Variants in TMEM50A observed in about 807,000 individuals in gnomAD.
TMEM50A encodes cervical cancer oncogene 9.
In TMEM50A, 8 loss-of-function variants were observed where a neutral mutation model predicts 23.9. The ratio of observed to expected loss-of-function variants is 0.33; its 90% CI spans 0.20 to 0.60. The LOEUF is 0.60. TMEM50A is among the 20% of genes least tolerant of loss of function. TMEM50A has a pLI of 0.81. For synonymous variants in TMEM50A, 55 were observed against 60.4 expected (o/e 0.91, Z 0.41); for missense variants, 178 against 192.7 (o/e 0.92, Z 0.45).
chr1:25,344,171 G>A (rs1645190645), intron 3 of TMEM50A, among the ~76,000 whole-genome samples: 1 of 152,140 alleles, frequency 6.6e-6, no homozygotes, highest in African/African-American at 2.4e-5. Flanking sequence ...GGGAAGTCAA[G>A]TCGATGTTAC....
intron 2 of TMEM50A, among the ~76,000 whole-genome samples, chr1:25,341,131 G>T (rs1018417185): frequency 1.3e-5 from 2 of 152,176 alleles, no homozygotes; most frequent in Non-Finnish European, 2.9e-5. Flanking sequence ...TTACACTTCA[G>T]ATCCCTCAAG....
intron 2 of TMEM50A, among the ~76,000 whole-genome samples, chr1:25,341,822 G>A (rs1446060295): frequency 6.6e-5 from 10 of 152,126 alleles, no homozygotes; most frequent in Admixed American, 5.9e-4. Context: ...AGCCTCCGGA[G>A]TAGCCTGGAC....
In TMEM50A at chr1:25,360,762, T is replaced by G; in HGVS notation, c.*57T>G. The G allele has an allele frequency of 6.4e-7, 1 of 1,574,756 alleles. No homozygotes were observed. Among genetic ancestry groups the G allele is most frequent in the Non-Finnish European group, 8.7e-7 (1 of 1,145,512 alleles). ...TGCATGGGTTTGTTTGTTTTTTTAC[T>G]GCTCACTCCCAACCTTTTGTAATGC... On this transcript the variant is annotated 3_prime_UTR_variant, in exon 7 of 7. Transcript: ENST00000374358.
At chr1:25,340,378 CTT>C in intron 1 of TMEM50A, 94 bp from the exon 2 acceptor site, 1 of 728,346 alleles carries the variant, frequency 1.4e-6, no homozygotes, top group Non-Finnish European at 2.2e-6. Context: ...TGTAATTTCA[CTT>C]TTATCTAATT....
intron 4 of TMEM50A, 137 bp from the exon 5 acceptor site, chr1:25,352,745 C>T (rs3093618): frequency 1.1e-4 from 79 of 693,994 alleles, no homozygotes; most frequent in African/African-American, 7.3e-4. Context: ...ATGTTTAACA[C>T]ATCCTTTACT....
chr1:25,356,903 CTTCTTTTATATCA>C, intron 6 of TMEM50A, 50 bp downstream of exon 6: 1 of 1,339,526 alleles, frequency 7.5e-7, no homozygotes, highest in Non-Finnish European at 1.0e-6. Flanking sequence ...TTTAAAATAG[CTTCTTTTATATCA>C]TTTTCTATAT....
intron 3 of TMEM50A, among the ~76,000 whole-genome samples, chr1:25,346,762 T>C (rs1027233809): frequency 6.6e-6 from 1 of 152,132 alleles, no homozygotes; most frequent in African/African-American, 2.4e-5. Context: ...CTCACACTTG[T>C]AATCCCAGCA....
chr1:25,340,466 T>G lies in TMEM50A; in HGVS notation c.-13-8T>G. 1 of 1,604,546 alleles carries G rather than the reference T, an allele frequency of 6.2e-7. No individual in the cohort carries two copies. Among genetic ancestry groups the G allele is most frequent in the Non-Finnish European group, 8.5e-7 (1 of 1,173,254 alleles). ...ACTTATTTAATTGTTTGTTTGTTTG[T>G]TTTTAAGTGACCTGAAAAAAATGTC... On this transcript the variant is annotated splice_polypyrimidine_tract_variant and splice_region_variant and intron_variant, in intron 1 of 6. Transcript: ENST00000374358.
chr1:25,360,871 A>G lies in TMEM50A; in HGVS notation c.*166A>G, dbSNP rs1007511421. On this transcript the variant is annotated 3_prime_UTR_variant, in exon 7 of 7. Transcript: ENST00000374358. ...CACGAGAACACCTAAACAACAACCA[A>G]AAATCTATTGTGGTATGCACTTGAT... The G allele has an allele frequency of 6.6e-6, 4 of 603,766 alleles. 1 individual carries two copies. Among genetic ancestry groups the G allele is most frequent in the African/African-American group, 3.7e-5 (2 of 54,232 alleles). 37.4% of individuals were successfully genotyped at this position (603,766 alleles called of 1,614,324 possible).
intron 3 of TMEM50A, among the ~76,000 whole-genome samples, chr1:25,351,164 CAA>C (rs1179135841): frequency 0.011 from 689 of 61,188 alleles, 4 homozygotes; most frequent in African/African-American, 0.029. Context: ...GACTCCGTCT[CAA>C]AAAAAAAAAA....
chr1:25,351,405 A>G (rs531191479), intron 3 of TMEM50A, among the ~76,000 whole-genome samples: 3 of 152,164 alleles, frequency 2.0e-5, no homozygotes, highest in Non-Finnish European at 4.4e-5. Flanking sequence ...GCTACTCAGG[A>G]GGCTGAAGTG....
At chr1:25,353,029 T>C (rs1557587546) in intron 5 of TMEM50A, 55 bp downstream of exon 5, 3 of 1,500,916 alleles carry the variant, frequency 2.0e-6, no homozygotes, top group Non-Finnish European at 2.7e-6. Flanking sequence ...AATTTTGCAT[T>C]AAAGTTGGTT....
intron 2 of TMEM50A, among the ~76,000 whole-genome samples, chr1:25,341,757 A>G (rs780334904): frequency 6.6e-6 from 1 of 152,118 alleles, no homozygotes; most frequent in Non-Finnish European, 1.5e-5. Flanking sequence ...TACAGTGGTG[A>G]AATCACTGCT....
chr1:25,341,218 A>G (rs1006066321), intron 2 of TMEM50A, among the ~76,000 whole-genome samples: 1 of 151,884 alleles, frequency 6.6e-6, no homozygotes, highest in Admixed American at 6.6e-5. Context: ...ATTTTTTGAG[A>G]TAGAGTTTTG....
intron 4 of TMEM50A, 108 bp from the exon 5 acceptor site, chr1:25,352,774 A>T: frequency 1.1e-6 from 1 of 908,940 alleles, no homozygotes; most frequent in Non-Finnish European, 1.7e-6. Context: ...GTTAGACTTT[A>T]ATGGCAGTTG....
rs943062421 is a variant in TMEM50A at position 25,360,555 on chromosome 1, A to G, written c.429-105A>G. The G allele has an allele frequency of 2.3e-6, 3 of 1,276,994 alleles. No individual in the cohort carries two copies. In the African/African-American group the frequency reaches 4.4e-5, roughly 19 times the overall value. The allele number at this position is 1,276,994 out of a possible 1,614,324, so 79.1% of individuals were successfully genotyped here. A position where few individuals can be genotyped will look rare whatever the true frequency, so the allele number is the denominator to read the frequency against. ...ATTTCGTACCAAAATTTCTTCTACA[A>G]CTCATCAATTATTCTTCGTTGTTTG... On this transcript the variant is annotated intron_variant, in intron 6 of 6. Transcript: ENST00000374358.
chr1:25,362,355 AAAC>A lies in TMEM50A; in HGVS notation c.*1651_*1653del. ...TTTTAAACTTATTAAATTGACTCTT[AAAC>A]TAAGTTTTTAGTCTTTAATTTTTTA... On this transcript the variant is annotated 3_prime_UTR_variant, in exon 7 of 7. Coordinates refer to ENST00000374358, the MANE Select transcript of TMEM50A (RefSeq NM_014313.4). 3.5e-6 allele frequency: 5 copies of A among 1,446,108 alleles called. No individual in the cohort carries two copies. The highest frequency in any genetic ancestry group is 4.7e-6 in the Non-Finnish European group (5 of 1,059,510). 89.6% of individuals were successfully genotyped at this position (1,446,108 alleles called of 1,614,324 possible).
Position 25,361,865 on chromosome 1 carries a change from T to C in TMEM50A, c.*1160T>C, listed in dbSNP as rs1318475480. 3 of 157,024 alleles carry C rather than the reference T, an allele frequency of 1.9e-5. No individual in the cohort carries two copies. The highest frequency in any genetic ancestry group is 4.2e-5 in the Non-Finnish European group (3 of 70,998). The allele number at this position is 157,024 out of a possible 1,614,324, so 9.7% of individuals were successfully genotyped here. A position where few individuals can be genotyped will look rare whatever the true frequency, so the allele number is the denominator to read the frequency against. On this transcript the variant is annotated 3_prime_UTR_variant, in exon 7 of 7. Coordinates refer to ENST00000374358, the MANE Select transcript of TMEM50A (RefSeq NM_014313.4). Reference sequence around the variant, plus strand: ...TCCCACATGAACTCCTGATGTTTTTTCTACAAAAGTCCATAAAATGTGAAA... The same window carrying C: ...TCCCACATGAACTCCTGATGTTTTTCCTACAAAAGTCCATAAAATGTGAAA...
chr1:25,354,892 C>T (rs1005712842), intron 5 of TMEM50A, among the ~76,000 whole-genome samples: 1 of 151,788 alleles, frequency 6.6e-6, no homozygotes, highest in African/African-American at 2.4e-5. Flanking sequence ...CTGCCTCAGC[C>T]TCCCAAGTAG....
Sources: gnomAD v4.1 joint callset for allele counts (sites outside exome capture counted in the v4.1 genomes callset) on GRCh38, gnomAD v4.1.1 for gene constraint, MANE v1.5 for transcripts, NCBI Gene and HGNC (gene_info 2026-07-23, HGNC 2026-07-21) for gene names.